CPD: variants seen among roughly 807,000 people sequenced by gnomAD.
The protein encoded by CPD is carboxypeptidase D, also known as metallocarboxypeptidase D.
In CPD, 69 loss-of-function variants were observed where a neutral mutation model predicts 138.3. The ratio of observed to expected loss-of-function variants is 0.50; its 90% CI spans 0.41 to 0.61. CPD has a LOEUF of 0.61. Among genes scored for constraint, CPD ranks in the 20% least tolerant of loss-of-function variants. The pLI is 0.00. For missense variants in CPD, 1,432 were observed against 1,733.3 expected (o/e 0.83, Z 3.09); for synonymous variants, 651 against 642.1 (o/e 1.01, Z -0.21).
chr17:30,431,499 C>T (rs1160820626), intron 7 of CPD, among the ~76,000 whole-genome samples: 3 of 152,050 alleles, frequency 2.0e-5, no homozygotes, highest in Non-Finnish European at 4.4e-5. Context: ...TAGTCCTTTC[C>T]GTATTGATGC....
At chr17:30,458,978 A>G (rs28564025) in intron 17 of CPD, among the ~76,000 whole-genome samples, 1 of 151,574 alleles carries the variant, frequency 6.6e-6, no homozygotes, top group Non-Finnish European at 1.5e-5. Context: ...GTTTGTTTGT[A>G]TGTAGAAATT....
chr17:30,469,765 G>A lies in CPD; in HGVS notation c.*4951G>A, dbSNP rs1913736568. 1 of 152,138 alleles carries A rather than the reference G, an allele frequency of 6.6e-6. No homozygotes were observed. Among genetic ancestry groups the A allele is most frequent in the South Asian group, 2.1e-4 (1 of 4,828 alleles). 9.4% of individuals were successfully genotyped at this position (152,138 alleles called of 1,614,324 possible). A position where few individuals can be genotyped will look rare whatever the true frequency, so the allele number is the denominator to read the frequency against. On this transcript the variant is annotated 3_prime_UTR_variant, in exon 21 of 21. Coordinates refer to ENST00000225719, the MANE Select transcript of CPD (RefSeq NM_001304.5). Reference sequence around the variant, plus strand: ...ATTAAGTTGTATTTATGCTTCTTTAGTGAAAACAACGTTACTTAACTGCTA... The same window carrying A: ...ATTAAGTTGTATTTATGCTTCTTTAATGAAAACAACGTTACTTAACTGCTA...
In CPD at chr17:30,445,736, T is replaced by C. The variant is rs1313642407; in HGVS notation, c.2589T>C (p.Ala863=). The C allele has an allele frequency of 6.2e-7, 1 of 1,613,368 alleles. No homozygotes were observed. The highest frequency in any genetic ancestry group is 1.7e-5 in the Admixed American group (1 of 59,816). The change falls in exon 12 of 21, where the codon GCT becomes GCC. Residue 863 remains alanine (A), a synonymous_variant. Transcript: ENST00000225719. Reference sequence around the variant, plus strand: ...ATGTGACTGTCAAGAGTGAAGGCGCTATTCAGGTCAACTTCACACTTGTTC... The same window carrying C: ...ATGTGACTGTCAAGAGTGAAGGCGCCATTCAGGTCAACTTCACACTTGTTC... ...TKNVTVKSEG[A]IQVNFTLVRS...
chr17:30,462,355 A>G lies in CPD; in HGVS notation c.3817-15A>G, dbSNP rs191463687. On this transcript the variant is annotated splice_polypyrimidine_tract_variant and intron_variant, in intron 19 of 20. Coordinates refer to ENST00000225719, the MANE Select transcript of CPD (RefSeq NM_001304.5). The stretch of plus-strand genomic sequence containing the variant: ...AAGCAGAATTTGTCATGATTCTTAC[A>G]CTTTCTCCTTCTAGGTCTTTGTGCA... The G allele has an allele frequency of 1.8e-4, 291 of 1,602,928 alleles. 3 individuals carry two copies. In the East Asian group the frequency reaches 3.2e-3, roughly 18 times the overall value.
intron 2 of CPD, among the ~76,000 whole-genome samples, chr17:30,394,529 A>G (rs1328918094): frequency 6.6e-6 from 1 of 152,096 alleles, no homozygotes; most frequent in East Asian, 1.9e-4. Flanking sequence ...GAATTCTTTG[A>G]TGATAAGGAC....
chr17:30,402,565 C>CA (rs529464767), intron 2 of CPD, among the ~76,000 whole-genome samples: 32 of 152,022 alleles, frequency 2.1e-4, no homozygotes, highest in Non-Finnish European at 2.6e-4. Flanking sequence ...GACTCTGTCT[C>CA]AAAAAAACCA....
intron 2 of CPD, among the ~76,000 whole-genome samples, chr17:30,407,838 A>G (rs1179812352): frequency 1.3e-5 from 2 of 152,046 alleles, no homozygotes; most frequent in Non-Finnish European, 2.9e-5. Context: ...CCATTTGTCT[A>G]TTTTGGCTTT....
chr17:30,455,660 C>T, intron 15 of CPD, 190 bp downstream of exon 15: 1 of 539,274 alleles, frequency 1.9e-6, no homozygotes, highest in Non-Finnish European at 3.1e-6. Context: ...TAATGGTAGC[C>T]CAGCTTTATT....
intron 2 of CPD, among the ~76,000 whole-genome samples, chr17:30,418,844 C>T (rs1033695853): frequency 6.6e-6 from 1 of 152,134 alleles, no homozygotes; most frequent in African/African-American, 2.4e-5. Context: ...TGGGTAACTT[C>T]AGGATTGTGT....
chr17:30,380,762 T>C (rs1464181071), intron 1 of CPD: 1 of 648,414 alleles, frequency 1.5e-6, no homozygotes, highest in Non-Finnish European at 2.5e-6. Context: ...TCTCCAGAGA[T>C]GGGCAGGATT....
Position 30,445,776 on chromosome 17 carries a change from T to A in CPD, c.2629T>A (p.Ser877Thr). Residue 877 changes from serine (S) to threonine (T), a missense_variant, in exon 12 of 21, where the codon TCA becomes ACA. Physicochemically the swap from Ser to Thr is moderately conservative, Grantham distance 58 (BLOSUM62 1). Around this residue, in one of 6 missense-constraint regions of CPD, gnomAD observed 124 missense variants for 117.0 expected, o/e 1.06. Coordinates refer to ENST00000225719, the MANE Select transcript of CPD (RefSeq NM_001304.5). ...NFTLVRSSTD[S>T]NNESKKGKGA... ...CACACTTGTTCGATCCTCAACAGAT[T>A]CAAACAATGAATCAAAGAAAGGAAA... 6.2e-7 allele frequency: 1 copy of A among 1,613,972 alleles called. No homozygotes were observed. Among genetic ancestry groups the A allele is most frequent in the African/African-American group, 1.3e-5 (1 of 75,022 alleles).
chr17:30,459,368 A>T (rs1389270088), intron 17 of CPD, among the ~76,000 whole-genome samples: 2 of 149,466 alleles, frequency 1.3e-5, no homozygotes, highest in Admixed American at 1.3e-4. Flanking sequence ...TCCTAATGCT[A>T]TCCCTCCCCC....
At chr17:30,419,718 G>T (rs1912217523) in intron 2 of CPD, among the ~76,000 whole-genome samples, 1 of 152,146 alleles carries the variant, frequency 6.6e-6, no homozygotes, top group Non-Finnish European at 1.5e-5. Context: ...CATTCACTTT[G>T]CATATAAATA....
intron 2 of CPD, among the ~76,000 whole-genome samples, chr17:30,407,950 G>A (rs1356846059): frequency 6.6e-6 from 1 of 152,130 alleles, no homozygotes; most frequent in Non-Finnish European, 1.5e-5. Context: ...ATGCTTTTAG[G>A]TCGTACGTTT....
chr17:30,418,541 T>C (rs879941019), intron 2 of CPD, among the ~76,000 whole-genome samples: 3 of 152,184 alleles, frequency 2.0e-5, no homozygotes, highest in Non-Finnish European at 2.9e-5. Flanking sequence ...TCTCCCAGCC[T>C]ATTTCATTTT....
At chr17:30,435,772 G>A (rs1912683826) in intron 8 of CPD, among the ~76,000 whole-genome samples, 1 of 152,116 alleles carries the variant, frequency 6.6e-6, no homozygotes, top group Non-Finnish European at 1.5e-5. Flanking sequence ...TCATAGTTTT[G>A]GAGGCCAGAA....
intron 2 of CPD, among the ~76,000 whole-genome samples, chr17:30,396,834 T>TG (rs1911522087): frequency 6.6e-6 from 1 of 152,098 alleles, no homozygotes; most frequent in African/African-American, 2.4e-5. Flanking sequence ...CTTCCTTTCT[T>TG]TCCTTCTTTC....
At chr17:30,410,138 T>G (rs1245988718) in intron 2 of CPD, among the ~76,000 whole-genome samples, 1 of 152,216 alleles carries the variant, frequency 6.6e-6, no homozygotes, top group African/African-American at 2.4e-5. Flanking sequence ...CAGGAGTAGG[T>G]TGTTCAGTTG....
intron 4 of CPD, 134 bp downstream of exon 4, chr17:30,421,967 G>T: frequency 1.4e-6 from 1 of 721,418 alleles, no homozygotes; most frequent in Non-Finnish European, 2.2e-6. Context: ...GATTTTTCTC[G>T]TTTTATAATA....
Sources: gnomAD v4.1 joint callset for allele counts (sites outside exome capture counted in the v4.1 genomes callset) on GRCh38, gnomAD v4.1.1 for gene constraint, gnomAD v4.1.1 regional missense constraint, MANE v1.5 for transcripts, NCBI Gene and HGNC (gene_info 2026-07-23, HGNC 2026-07-21) for gene names.